MYO3A: variants seen among roughly 807,000 people sequenced by gnomAD.
MYO3A encodes myosin-IIIa.
In MYO3A, 180 loss-of-function variants were observed where a neutral mutation model predicts 192.7. The ratio of observed to expected loss-of-function variants is 0.93; its 90% CI spans 0.83 to 1.06. The LOEUF (loss-of-function observed/expected upper bound fraction) is 1.06, where lower values mean the gene tolerates loss of function less well. Among genes scored for constraint, MYO3A ranks in the 50% least tolerant of loss-of-function variants. MYO3A has a pLI of 0.00. For synonymous variants in MYO3A, 628 were observed against 645.3 expected (o/e 0.97, Z 0.41); for missense variants, 1,896 against 1,905.0 (o/e 1.00, Z 0.09).
chr10:26,135,496 G>C (rs1015920426), intron 20 of MYO3A, among the ~76,000 whole-genome samples: 1 of 152,092 alleles, frequency 6.6e-6, no homozygotes, highest in African/African-American at 2.4e-5. Flanking sequence ...GGAAATCCCA[G>C]GGAGCACTTA....
rs7897779 is a variant in MYO3A at position 26,144,341 on chromosome 10, T to C, written c.2416+740T>C. On this transcript the variant is annotated intron_variant, in intron 21 of 34. Transcript: ENST00000642920. ...CTTTCAGAAAATGTGGATTCACATCTTTCTGTCATTTACTTTGGGTGACAT... is the reference window on the plus strand; with the variant it reads ...CTTTCAGAAAATGTGGATTCACATCCTTCTGTCATTTACTTTGGGTGACAT... Among the ~76,000 whole-genome samples, 586 of 152,188 alleles carry C rather than the reference T, an allele frequency of 3.9e-3. 3 individuals carry two copies. The highest frequency in any genetic ancestry group is 0.013 in the African/African-American group (560 of 41,512).
intron 17 of MYO3A, among the ~76,000 whole-genome samples, chr10:26,109,426 C>T (rs1259195130): frequency 1.3e-5 from 2 of 152,228 alleles, no homozygotes; most frequent in Non-Finnish European, 2.9e-5. Flanking sequence ...TGAAATCCCA[C>T]TCCTTCCATG....
chr10:25,969,788 G>T (rs182534657), intron 4 of MYO3A, among the ~76,000 whole-genome samples: 76 of 152,226 alleles, frequency 5.0e-4, no homozygotes, highest in African/African-American at 1.7e-3. Flanking sequence ...AGACTGGATT[G>T]TAATACCCAA....
rs190549367 is a variant in MYO3A at position 26,031,916 on chromosome 10, C to T, written c.953+5384C>T. Among the ~76,000 whole-genome samples, 5 of 152,284 alleles carry T rather than the reference C, an allele frequency of 3.3e-5. No homozygotes were observed. The East Asian group carries it at 9.6e-4, about 29-fold the overall frequency. ...TCATAAATAAAGAAAATATCTAATC[C>T]AGCATCTACTTAAATAACAAATTCC... On this transcript the variant is annotated intron_variant, in intron 10 of 34. Transcript: ENST00000642920.
At chr10:26,148,722 TA>T (rs1285180906) in intron 23 of MYO3A, among the ~76,000 whole-genome samples, 3 of 152,232 alleles carry the variant, frequency 2.0e-5, no homozygotes, top group African/African-American at 7.2e-5. Context: ...TTTGCCAAAT[TA>T]TCTGCTAGTG....
At chr10:26,090,800 A>G (rs1463016872) in intron 15 of MYO3A, among the ~76,000 whole-genome samples, 1 of 152,270 alleles carries the variant, frequency 6.6e-6, no homozygotes, top group Non-Finnish European at 1.5e-5. Flanking sequence ...TACAGAGATC[A>G]CATGGGCATT....
chr10:26,023,708 C>G (rs979911963), intron 8 of MYO3A, among the ~76,000 whole-genome samples: 1 of 152,170 alleles, frequency 6.6e-6, no homozygotes, highest in Non-Finnish European at 1.5e-5. Context: ...TCCCCAGTAT[C>G]TATTGTTTCT....
At chr10:26,201,689 C>CA (rs34428324) in intron 33 of MYO3A, among the ~76,000 whole-genome samples, 13,801 of 81,370 alleles carry the variant, frequency 0.17, 696 homozygotes, top group Admixed American at 0.19. Flanking sequence ...GACTCCGTCT[C>CA]AAAAAAAAAA....
intron 14 of MYO3A, among the ~76,000 whole-genome samples, chr10:26,076,610 C>G (rs920487676): frequency 6.6e-6 from 1 of 152,030 alleles, no homozygotes; most frequent in Non-Finnish European, 1.5e-5. Flanking sequence ...CCAATGTTAC[C>G]TTCTAGAATT....
intron 7 of MYO3A, among the ~76,000 whole-genome samples, chr10:26,017,665 T>G (rs1389708665): frequency 6.6e-6 from 1 of 151,922 alleles, no homozygotes; most frequent in Non-Finnish European, 1.5e-5. Context: ...CTTGTTTAAT[T>G]ATTACTTGCA....
intron 26 of MYO3A, among the ~76,000 whole-genome samples, chr10:26,163,364 TAAA>T (rs1224464185): frequency 6.6e-6 from 1 of 152,122 alleles, no homozygotes; most frequent in African/African-American, 2.4e-5. Flanking sequence ...GATTTTCATT[TAAA>T]AAAAGATAAT....
chr10:26,189,021 G>A (rs1381008997), intron 31 of MYO3A, among the ~76,000 whole-genome samples: 1 of 149,934 alleles, frequency 6.7e-6, no homozygotes, highest in African/African-American at 2.5e-5. Flanking sequence ...CCAATTCTGT[G>A]AAGAAAGTCA....
intron 2 of MYO3A, among the ~76,000 whole-genome samples, chr10:25,942,755 C>T (rs1243226543): frequency 6.7e-6 from 1 of 149,760 alleles, no homozygotes; most frequent in African/African-American, 2.5e-5. Flanking sequence ...TTTGGAGAAA[C>T]TTCTAGTCAA....
At chr10:26,168,083 C>G (rs1213365318) in intron 27 of MYO3A, among the ~76,000 whole-genome samples, 3 of 152,136 alleles carry the variant, frequency 2.0e-5, no homozygotes, top group Non-Finnish European at 4.4e-5. Context: ...AAAAGTCAGC[C>G]CTCCCTTCTC....
At chr10:25,947,414 A>G (rs1264658554) in intron 2 of MYO3A, among the ~76,000 whole-genome samples, 5 of 112,070 alleles carry the variant, frequency 4.5e-5, no homozygotes, top group African/African-American at 1.5e-4. Context: ...TTTTTTTGAG[A>G]CAGAGTTTTG....
At chr10:26,027,539 T>A (rs1842611428) in intron 10 of MYO3A, among the ~76,000 whole-genome samples, 1 of 152,098 alleles carries the variant, frequency 6.6e-6, no homozygotes, top group African/African-American at 2.4e-5. Context: ...TAGACGAGGT[T>A]CTGCCATGTT....
At chr10:26,050,989 C>G (rs1055265637) in intron 10 of MYO3A, among the ~76,000 whole-genome samples, 2 of 152,108 alleles carry the variant, frequency 1.3e-5, no homozygotes, top group African/African-American at 4.8e-5. Flanking sequence ...AAATTTATAC[C>G]AGAGTGTAAC....
intron 17 of MYO3A, among the ~76,000 whole-genome samples, chr10:26,105,232 G>A (rs1418563127): frequency 2.6e-5 from 4 of 152,034 alleles, no homozygotes; most frequent in Admixed American, 6.6e-5. Context: ...TCCTAGTAGT[G>A]GAATTTCTGG....
At position 26,125,533 on chromosome 10, in the gene MYO3A, A is replaced by C. The variant is rs1589000062; in HGVS notation, c.2039A>C (p.Lys680Thr). The change falls in exon 19 of 35, where the codon AAA becomes ACA. Residue 680 changes from lysine (K) to threonine (T), a missense_variant. Physicochemically the swap from Lys to Thr is moderately conservative, Grantham distance 78. Transcript: ENST00000642920. ...KATDVRDAMA[K>T]TLYGRLFSWI... ...ACCGATGTCAGGGATGCCATGGCTAAAACTTTATATGGACGTCTCTTTAGT... is the reference window on the plus strand; with the variant it reads ...ACCGATGTCAGGGATGCCATGGCTACAACTTTATATGGACGTCTCTTTAGT... 1.2e-6 allele frequency: 2 copies of C among 1,614,104 alleles called. No homozygotes were observed.
Sources: gnomAD v4.1 joint callset for allele counts (sites outside exome capture counted in the v4.1 genomes callset) on GRCh38, gnomAD v4.1.1 for gene constraint, MANE v1.5 for transcripts, NCBI Gene and HGNC (gene_info 2026-07-23, HGNC 2026-07-21) for gene names.